Variants in PLEKHM2 observed in about 807,000 individuals in gnomAD.
PLEKHM2 encodes pleckstrin homology domain-containing family M member 2.
PLEKHM2 carries 77 observed loss-of-function variants against 116.3 expected under a neutral mutation model. The observed-to-expected ratio is 0.66, with a 90% CI of 0.55 to 0.80. The LOEUF is 0.80. PLEKHM2 is among the 30% of genes least tolerant of loss of function. PLEKHM2 has a pLI of 0.00. For synonymous variants in PLEKHM2, 562 were observed against 571.0 expected (o/e 0.98, Z 0.22); for missense variants, 1,183 against 1,354.9 (o/e 0.87, Z 1.99).
rs376812279 is a variant in PLEKHM2, at chr1:15,685,377, C to T, written c.60+759C>T. 2.0e-5 allele frequency among the ~76,000 whole-genome samples: 3 copies of T among 151,818 alleles called. No homozygotes were observed. The Middle Eastern group carries it at 0.01, about 516-fold the overall frequency. On this transcript the variant is annotated intron_variant, in intron 1 of 19. Transcript: ENST00000375799. ...CTAGAAGGTAGAATCCATATTCTGACGTTTTTGGGCTGGATATAAAAATAA... is the reference window on the plus strand; with the variant it reads ...CTAGAAGGTAGAATCCATATTCTGATGTTTTTGGGCTGGATATAAAAATAA...
rs1254358183 is a variant in PLEKHM2 at position 15,729,723 on chromosome 1, C to T, written c.2076-74C>T. Reference sequence around the variant, plus strand: ...TTCTGTGACCCCTCCAGGCCAGCAGCGCTCAAGACTAAGCCCTGTCCAGTT... The same window carrying T: ...TTCTGTGACCCCTCCAGGCCAGCAGTGCTCAAGACTAAGCCCTGTCCAGTT... On this transcript the variant is annotated intron_variant, in intron 13 of 19. Transcript: ENST00000375799. This position sits in a 1 kb window ranked among gnomAD's most constrained non-coding sequence, Gnocchi z 4.7. 5.9e-6 allele frequency: 8 copies of T among 1,360,714 alleles called. No homozygotes were observed. Among genetic ancestry groups the T allele is most frequent in the African/African-American group, 2.9e-5 (2 of 68,850 alleles). 84.3% of individuals were successfully genotyped at this position (1,360,714 alleles called of 1,614,324 possible). A position where few individuals can be genotyped will look rare whatever the true frequency, so the allele number is the denominator to read the frequency against.
At position 15,684,389 on chromosome 1, in the gene PLEKHM2, C is replaced by T. The variant is rs1334549987; in HGVS notation, c.-170C>T. 12 of 185,160 alleles carry T rather than the reference C, an allele frequency of 6.5e-5. No individual in the cohort carries two copies. Among genetic ancestry groups the T allele is most frequent in the Non-Finnish European group, 2.9e-5 (3 of 101,700 alleles). 11.5% of individuals were successfully genotyped at this position (185,160 alleles called of 1,614,324 possible). ...TCCGGGCCGCGGTGGAGCGAGGGCC[C>T]AGGCGAGGCGAGGGCCGGGCGGCGG... is the stretch of plus-strand genomic sequence containing the variant. On this transcript the variant is annotated 5_prime_UTR_variant, in exon 1 of 20. Transcript: ENST00000375799.
intron 6 of PLEKHM2, chr1:15,720,487 G>T: frequency 7.1e-6 from 7 of 985,148 alleles, no homozygotes; most frequent in Non-Finnish European, 8.4e-6. Flanking sequence ...AGAAGCTGCA[G>T]GTCATTTTGT....
Position 15,709,022 on chromosome 1 carries a change from T to A in PLEKHM2, c.61-7215T>A, listed in dbSNP as rs72881312. ...CCATTTTACAGACAAGGAAAACGAG[T>A]TTCGAGAGGTTAGGTAACTTGCCCA... On this transcript the variant is annotated intron_variant, in intron 1 of 19. Coordinates refer to ENST00000375799, the MANE Select transcript of PLEKHM2 (RefSeq NM_015164.4). 4.3e-3 allele frequency among the ~76,000 whole-genome samples: 652 copies of A among 151,950 alleles called. 7 individuals carry two copies. Among genetic ancestry groups the A allele is most frequent in the African/African-American group, 0.015 (623 of 41,440 alleles).
Position 15,717,943 on chromosome 1 carries a change from C to G in PLEKHM2, c.328C>G (p.Leu110Val), listed in dbSNP as rs1480774724. 1.9e-6 allele frequency: 3 copies of G among 1,600,754 alleles called. No homozygotes were observed. Among genetic ancestry groups the G allele is most frequent in the Admixed American group, 3.4e-5 (2 of 58,162 alleles). Residue 110 changes from leucine to valine, a missense_variant, in exon 4 of 20, where the codon CTG becomes GTG. Leu to Val is a conservative substitution (Grantham distance 32). Transcript: ENST00000375799. ...CAACGAGAACTCCTTGGAGAGCTAC[C>G]TGCGGTTGTTCCAGGAGAACCTGGG... Reference protein sequence around the residue: ...ALNENSLESYLRLFQENLGLL... With the variant: ...ALNENSLESYVRLFQENLGLL...
rs1640722116 is a variant in PLEKHM2, at chr1:15,684,527, G to GCGGTGGCGGTGGCGGCGA, written c.-24_-7dup. 4 of 1,141,264 alleles carry GCGGTGGCGGTGGCGGCGA rather than the reference G, an allele frequency of 3.5e-6. No homozygotes were observed. Among genetic ancestry groups the GCGGTGGCGGTGGCGGCGA allele is most frequent in the South Asian group, 3.7e-5 (1 of 27,208 alleles). 70.7% of individuals were successfully genotyped at this position (1,141,264 alleles called of 1,614,324 possible). On this transcript the variant is annotated 5_prime_UTR_variant, in exon 1 of 20. Coordinates refer to ENST00000375799, the MANE Select transcript of PLEKHM2 (RefSeq NM_015164.4). ...CGGCGGCGGGGCGGCGGCGGCGGTG[G>GCGGTGGCGGTGGCGGCGA]CGGTGGCGGTGGCGGCGACGGTGGC...
In PLEKHM2 at chr1:15,728,867, AG is replaced by A; in HGVS notation, c.1986+136del. ...TTGGGCACCAACTTAACTCTCAGAG[AG>A]GCTTCTGTACACGATGCTGGGGGTA... On this transcript the variant is annotated intron_variant, in intron 12 of 19. Coordinates refer to ENST00000375799, the MANE Select transcript of PLEKHM2 (RefSeq NM_015164.4). This position sits in a 1 kb window ranked among gnomAD's most constrained non-coding sequence, Gnocchi z 5.9. 2.3e-6 allele frequency: 2 copies of A among 874,126 alleles called. No individual in the cohort carries two copies. The highest frequency in any genetic ancestry group is 3.7e-6 in the Non-Finnish European group (2 of 547,342). 54.1% of individuals were successfully genotyped at this position (874,126 alleles called of 1,614,324 possible). A position where few individuals can be genotyped will look rare whatever the true frequency, so the allele number is the denominator to read the frequency against.
intron 1 of PLEKHM2, among the ~76,000 whole-genome samples, chr1:15,702,703 C>G (rs953692941): frequency 2.0e-5 from 3 of 149,408 alleles, no homozygotes. Flanking sequence ...CAGGCATAAG[C>G]CACCGTGCCC....
In PLEKHM2 at chr1:15,725,699, A is replaced by G; in HGVS notation, c.941+154A>G. On this transcript the variant is annotated intron_variant, in intron 8 of 19. Coordinates refer to ENST00000375799, the MANE Select transcript of PLEKHM2 (RefSeq NM_015164.4). ...CTTCCCACCTCTAGGAGGTTCTTTG[A>G]GCAAGAGGAAGTGGAGGCCTGTCCT... 3 of 613,728 alleles carry G rather than the reference A, an allele frequency of 4.9e-6. No individual in the cohort carries two copies. In the South Asian group the frequency reaches 5.9e-5, roughly 12 times the overall value. 38.0% of individuals were successfully genotyped at this position (613,728 alleles called of 1,614,324 possible).
intron 4 of PLEKHM2, among the ~76,000 whole-genome samples, 168 bp downstream of exon 4, chr1:15,718,160 A>G (rs1051563960): frequency 1.3e-4 from 20 of 152,230 alleles, no homozygotes; most frequent in African/African-American, 4.6e-4. Flanking sequence ...CCGGTGTCCC[A>G]TCTGGGCTCC....
chr1:15,732,398 G>T lies in PLEKHM2; in HGVS notation c.2674G>T (p.Val892Phe), dbSNP rs1349620424. The T allele has an allele frequency of 6.4e-7, 1 of 1,566,140 alleles. No homozygotes were observed. Among genetic ancestry groups the T allele is most frequent in the Non-Finnish European group, 8.7e-7 (1 of 1,155,426 alleles). ...CAGCCCCTGCATACCCTGCTGCCTG[G>T]TCCTCACGGATGACCGCCTCTTTAC... is the stretch of plus-strand genomic sequence containing the variant. ...APSPCIPCCL[V>F]LTDDRLFTCH... Residue 892 changes from valine (V) to phenylalanine (F), a missense_variant, in exon 18 of 20, where the codon GTC becomes TTC. By Grantham distance (50) the Val-to-Phe change is conservative. Transcript: ENST00000375799.
At chr1:15,682,646 AAAAAAC>A (rs1172199800), upstream of PLEKHM2, among the ~76,000 whole-genome samples, 105 of 73,772 alleles carry the variant, frequency 1.4e-3, no homozygotes, top group African/African-American at 4.5e-3. Context: ...AACAAAACAA[AAAAAAC>A]AAAAAACAAA....
Position 15,727,686 on chromosome 1 carries a change from T to TGTGTCTGAGCCAGAGCCTGGGACCC in PLEKHM2, c.1615_1639dup (p.Gln547ArgfsTer3). On this transcript the variant is annotated frameshift_variant, in exon 9 of 20. Transcript: ENST00000375799. LOFTEE classifies it high-confidence loss of function. The surrounding 1 kb of genome is among the most constrained non-coding windows in gnomAD (Gnocchi z 7.5). ...AGCTGTCCCTGGTCAGGGAGGGGCCTGTGTCTGAGCCAGAGCCTGGGACCC... is the reference window on the plus strand; with the variant it reads ...AGCTGTCCCTGGTCAGGGAGGGGCCTGTGTCTGAGCCAGAGCCTGGGACCCGTGTCTGAGCCAGAGCCTGGGACCC... 1 of 1,594,528 alleles carries TGTGTCTGAGCCAGAGCCTGGGACCC rather than the reference T, an allele frequency of 6.3e-7. No homozygotes were observed. Among genetic ancestry groups the TGTGTCTGAGCCAGAGCCTGGGACCC allele is most frequent in the Non-Finnish European group, 8.5e-7 (1 of 1,171,424 alleles).
Position 15,727,147 on chromosome 1 carries a change from A to G in PLEKHM2, c.1075A>G (p.Ser359Gly), listed in dbSNP as rs779397937. 1.5e-5 allele frequency: 24 copies of G among 1,596,852 alleles called. No individual in the cohort carries two copies. In the East Asian group the frequency reaches 3.8e-4, roughly 25 times the overall value. Residue 359 changes from serine to glycine, a missense_variant, in exon 9 of 20, where the codon AGC becomes GGC. Ser to Gly is a moderately conservative substitution (Grantham distance 56). Coordinates refer to ENST00000375799, the MANE Select transcript of PLEKHM2 (RefSeq NM_015164.4). This position sits in a 1 kb window ranked among gnomAD's most constrained non-coding sequence, Gnocchi z 7.5. ...GDGDSRNGSP[S>G]LGRDSPDTML... ...CGGTGACAGCCGCAACGGCAGCCCA[A>G]GCCTTGGGCGGGACTCGCCAGACAC... is the stretch of plus-strand genomic sequence containing the variant.
At position 15,734,072 on chromosome 1, in the gene PLEKHM2, T is replaced by A; in HGVS notation, c.*138T>A. On this transcript the variant is annotated 3_prime_UTR_variant, in exon 20 of 20. Transcript: ENST00000375799. ...GGGCGGCAGAACCACCGAGTGTGGC[T>A]TAAGACAGGGTCCCTCCACTCCAGG... is the stretch of plus-strand genomic sequence containing the variant. 1.0e-6 allele frequency: 1 copy of A among 958,154 alleles called. No homozygotes were observed. The highest frequency in any genetic ancestry group is 1.5e-6 in the Non-Finnish European group (1 of 665,318). The allele number at this position is 958,154 out of a possible 1,614,324, so 59.4% of individuals were successfully genotyped here. A position where few individuals can be genotyped will look rare whatever the true frequency, so the allele number is the denominator to read the frequency against.
At chr1:15,690,439 C>T (rs143651168) in intron 1 of PLEKHM2, among the ~76,000 whole-genome samples, 1 of 152,270 alleles carries the variant, frequency 6.6e-6, no homozygotes, top group East Asian at 1.9e-4. Context: ...ATTTTCAGGC[C>T]GTATAGTCTT....
At chr1:15,714,776 T>G (rs1641410575) in intron 1 of PLEKHM2, among the ~76,000 whole-genome samples, 1 of 152,232 alleles carries the variant, frequency 6.6e-6, no homozygotes. Context: ...GGATCAGGCA[T>G]CTGTGCTCTT....
Position 15,684,519 on chromosome 1 carries a change from C to CGGCGGCGGT in PLEKHM2, c.-35_-34insCGGTGGCGG, listed in dbSNP as rs773740708. 90 of 1,095,730 alleles carry CGGCGGCGGT rather than the reference C, an allele frequency of 8.2e-5. No individual in the cohort carries two copies. The highest frequency in any genetic ancestry group is 3.4e-4 in the East Asian group (6 of 17,630). The allele number at this position is 1,095,730 out of a possible 1,614,324, so 67.9% of individuals were successfully genotyped here. ...GCGGGAAGCGGCGGCGGGGCGGCGG[C>CGGCGGCGGT]GGCGGTGGCGGTGGCGGTGGCGGCG... On this transcript the variant is annotated 5_prime_UTR_variant, in exon 1 of 20. Transcript: ENST00000375799.
At chr1:15,703,712 G>A (rs951180629) in intron 1 of PLEKHM2, among the ~76,000 whole-genome samples, 1 of 152,208 alleles carries the variant, frequency 6.6e-6, no homozygotes, top group African/African-American at 2.4e-5. Flanking sequence ...TCAGAGCAGA[G>A]AGTGGGACTC....
Sources: allele counts gnomAD v4.1 joint callset (sites outside exome capture counted in the v4.1 genomes callset), GRCh38; gene constraint gnomAD v4.1.1; non-coding constraint Gnocchi (gnomAD v3.1); transcripts MANE v1.5; gene names NCBI Gene and HGNC (gene_info 2026-07-23, HGNC 2026-07-21).